LATS1: variants seen among roughly 807,000 people sequenced by gnomAD.
LATS1 encodes the protein large tumor suppressor kinase 1, also known as serine/threonine-protein kinase LATS1.
In LATS1, 25 loss-of-function variants were observed where a neutral mutation model predicts 106.6. The observed-to-expected ratio is 0.23, with a 90% CI of 0.17 to 0.33. The LOEUF is 0.33. Ranked by LOEUF, LATS1 falls within the 10% of genes least tolerant of loss-of-function variation. The pLI is 1.00. For missense variants in LATS1, 1,040 were observed against 1,382.6 expected (o/e 0.75, Z 3.93); for synonymous variants, 465 against 455.6 (o/e 1.02, Z -0.26).
At chr6:149,687,143 C>A (rs1240129501) in intron 3 of LATS1, among the ~76,000 whole-genome samples, 1 of 149,526 alleles carries the variant, frequency 6.7e-6, no homozygotes, top group South Asian at 2.1e-4. Context: ...CAGGCTGGAG[C>A]GCGGTGGCAT....
At chr6:149,687,249 C>A (rs149123540) in intron 3 of LATS1, among the ~76,000 whole-genome samples, 1 of 151,968 alleles carries the variant, frequency 6.6e-6, no homozygotes, top group Admixed American at 6.6e-5. Context: ...TGCCACCACA[C>A]CCAGCTAATT....
chr6:149,705,026 A>G (rs1783683917), intron 1 of LATS1, among the ~76,000 whole-genome samples: 1 of 151,700 alleles, frequency 6.6e-6, no homozygotes, highest in South Asian at 2.1e-4. Flanking sequence ...TCATGGCACA[A>G]TTGCTAAATT....
chr6:149,707,611 G>A (rs1462927294), intron 1 of LATS1, among the ~76,000 whole-genome samples: 4 of 152,160 alleles, frequency 2.6e-5, no homozygotes, highest in Non-Finnish European at 5.9e-5. Context: ...GTGCACAAAG[G>A]TCAGAGAAAG....
At chr6:149,704,843 C>T (rs545929271) in intron 1 of LATS1, among the ~76,000 whole-genome samples, 27 of 150,056 alleles carry the variant, frequency 1.8e-4, no homozygotes, top group Non-Finnish European at 3.7e-4. Context: ...TAAAAATATA[C>T]CCATTTTTAA....
In LATS1 at chr6:149,680,743, G is replaced by GAAA. The variant is rs5880846; in HGVS notation, c.2011-289_2011-287dup. Among the ~76,000 whole-genome samples, 105 of 110,286 alleles carry GAAA rather than the reference G, an allele frequency of 9.5e-4. 2 individuals are homozygous for GAAA. The highest frequency in any genetic ancestry group is 3.3e-3 in the African/African-American group (101 of 30,782). 72.4% of individuals were successfully genotyped at this position (110,286 alleles called of 152,430 possible). On this transcript the variant is annotated intron_variant, in intron 4 of 7. Transcript: ENST00000543571. ...TTTCTACTCTTCTCTAATGCACTCC[G>GAAA]AAAAAAAAAAAAAAAAAGGTTCTCA...
At position 149,661,989 on chromosome 6, in the gene LATS1, C is replaced by G. The variant is rs774365148; in HGVS notation, c.3133G>C (p.Asp1045His). The G allele has an allele frequency of 2.5e-6, 4 of 1,614,098 alleles. No homozygotes were observed. The South Asian group carries it at 4.4e-5, about 18-fold the overall frequency. ...DTSNFDPVDP[D>H]KLWSDDNEEE... ...TCGTTATCATCACTCCATAATTTAT[C>G]AGGATCAACAGGATCAAAATTTGAT... The change falls in exon 8 of 8, where the codon GAT becomes CAT. Residue 1045 changes from aspartate (D) to histidine (H), a missense_variant. Asp to His is a moderately conservative substitution (Grantham distance 81, BLOSUM62 -1). Around this residue, in one of 7 missense-constraint regions of LATS1, gnomAD observed 113 missense variants for 146.3 expected, o/e 0.77. Coordinates refer to ENST00000543571, the MANE Select transcript of LATS1 (RefSeq NM_004690.4).
At chr6:149,705,236 G>A (rs973891270) in intron 1 of LATS1, among the ~76,000 whole-genome samples, 1 of 152,140 alleles carries the variant, frequency 6.6e-6, no homozygotes, top group African/African-American at 2.4e-5. Flanking sequence ...GGTCCCTAAA[G>A]CATTTTCTTT....
intron 2 of LATS1, among the ~76,000 whole-genome samples, chr6:149,698,552 CTT>C (rs748004563): frequency 4.6e-4 from 59 of 128,728 alleles, no homozygotes; most frequent in Admixed American, 4.6e-4. Context: ...AGCCAGAAGT[CTT>C]TTTTTTTTTT....
Position 149,661,902 on chromosome 6 carries a change from C to T in LATS1, c.3220G>A (p.Ala1074Thr). ...WYKNGKHPEH[A>T]FYEFTFRRFF... The stretch of plus-strand genomic sequence containing the variant: ...CTTCGGAAGGTAAATTCATAGAATG[C>T]ATGTTCAGGATGCTTTCCATTTTTA... The change falls in exon 8 of 8, where the codon GCA (alanine) becomes ACA (threonine). Residue 1074 changes from alanine (A) to threonine (T), a missense_variant. Around this residue, in one of 7 missense-constraint regions of LATS1, gnomAD observed 113 missense variants for 146.3 expected, o/e 0.77. Transcript: ENST00000543571. The T allele has an allele frequency of 6.2e-7, 1 of 1,613,848 alleles. No individual in the cohort carries two copies.
chr6:149,680,054 G>A lies in LATS1; in HGVS notation c.2414C>T (p.Ala805Val), dbSNP rs762678088. The A allele has an allele frequency of 8.7e-6, 14 of 1,613,750 alleles. No individual in the cohort carries two copies. Among genetic ancestry groups the A allele is most frequent in the African/African-American group, 1.3e-5 (1 of 74,886 alleles). Residue 805 changes from alanine to valine, a missense_variant, in exon 5 of 8, where the codon GCA becomes GTA. This residue lies in a region of LATS1 where 167 missense variants were observed against 332.1 expected (regional missense o/e 0.50). Transcript: ENST00000543571. The stretch of plus-strand genomic sequence containing the variant: ...GGTAAGTTCTGCTATGTAGAATCGT[G>A]CCAGACTTTCTGGAAAGATGCCCAT... ...IRMGIFPESL[A>V]RFYIAELTCA...
At chr6:149,717,193 G>A (rs539534993) in intron 1 of LATS1, among the ~76,000 whole-genome samples, 1 of 152,334 alleles carries the variant, frequency 6.6e-6, no homozygotes, top group African/African-American at 2.4e-5. Context: ...CTTAGAAATT[G>A]ACAGAGAAGT....
At chr6:149,698,770 C>T (rs980133818) in intron 2 of LATS1, among the ~76,000 whole-genome samples, 68 of 152,008 alleles carry the variant, frequency 4.5e-4, no homozygotes, top group African/African-American at 1.6e-3. Context: ...CCATATTGGC[C>T]AGGCTGGTCT....
chr6:149,661,746 C>T lies in LATS1; in HGVS notation c.3376G>A (p.Asp1126Asn), dbSNP rs747711157. ...QNTGSEIKNR[D>N]LVYV is the part of the protein sequence containing the mutation. ...CTAGTGTGTTAAACATATACTAGATCGCGATTTTTAATCTCTGAGCCTGTG... is the reference window on the plus strand; with the variant it reads ...CTAGTGTGTTAAACATATACTAGATTGCGATTTTTAATCTCTGAGCCTGTG... The change falls in exon 8 of 8, where the codon GAT becomes AAT. Residue 1126 changes from aspartate to asparagine, a missense_variant. By Grantham distance (23) the Asp-to-Asn change is conservative (BLOSUM62 1). Coordinates refer to ENST00000543571, the MANE Select transcript of LATS1 (RefSeq NM_004690.4). 2.6e-6 allele frequency: 4 copies of T among 1,564,646 alleles called. No individual in the cohort carries two copies. The highest frequency in any genetic ancestry group is 2.7e-5 in the African/African-American group (2 of 72,856).
chr6:149,666,360 G>A (rs1423011367), intron 7 of LATS1, among the ~76,000 whole-genome samples: 2 of 144,994 alleles, frequency 1.4e-5, no homozygotes, highest in African/African-American at 2.9e-5. Flanking sequence ...GCTCATGCCT[G>A]TAATCCCAGC....
rs1352984276 is a variant in LATS1 at position 149,661,927 on chromosome 6, A to G, written c.3195T>C (p.Tyr1065=). The change falls in exon 8 of 8, where the codon TAT becomes TAC. Residue 1065 remains tyrosine, a synonymous_variant. Coordinates refer to ENST00000543571, the MANE Select transcript of LATS1 (RefSeq NM_004690.4). ...CATGTTCAGGATGCTTTCCATTTTTATACCATCCATTGAGAGTGTCATTTA... is the reference window on the plus strand; with the variant it reads ...CATGTTCAGGATGCTTTCCATTTTTGTACCATCCATTGAGAGTGTCATTTA... ...ENVNDTLNGW[Y]KNGKHPEHAF... is the part of the protein sequence containing the mutation. 1 of 1,613,962 alleles carries G rather than the reference A, an allele frequency of 6.2e-7. No homozygotes were observed.
chr6:149,707,909 C>T (rs550289355), intron 1 of LATS1, among the ~76,000 whole-genome samples: 1 of 152,086 alleles, frequency 6.6e-6, no homozygotes, highest in Admixed American at 6.5e-5. Context: ...CAGGGGCTCA[C>T]CATGTTGCCC....
chr6:149,692,810 G>C (rs9393172), intron 3 of LATS1, among the ~76,000 whole-genome samples: 9 of 151,884 alleles, frequency 5.9e-5, no homozygotes, highest in Non-Finnish European at 1.2e-4. Context: ...AAGTAGCTGA[G>C]ATTAGAGACA....
intron 1 of LATS1, among the ~76,000 whole-genome samples, chr6:149,715,402 A>G (rs1177452828): frequency 6.6e-6 from 1 of 152,124 alleles, no homozygotes; most frequent in Admixed American, 6.6e-5. Context: ...TGACTGATGG[A>G]CATTTAGGTT....
chr6:149,704,319 T>C (rs1182051109), intron 1 of LATS1, among the ~76,000 whole-genome samples: 5 of 152,096 alleles, frequency 3.3e-5, no homozygotes, highest in African/African-American at 9.7e-5. Context: ...TGTAGTTCTA[T>C]ATAATGTACA....
Sources: gnomAD v4.1 joint callset for allele counts (sites outside exome capture counted in the v4.1 genomes callset) on GRCh38, gnomAD v4.1.1 for gene constraint, gnomAD v4.1.1 regional missense constraint, MANE v1.5 for transcripts, NCBI Gene and HGNC (gene_info 2026-07-23, HGNC 2026-07-21) for gene names.